The following TBL1XR1 variants were observed in gnomAD, a reference collection of about 807,000 sequenced individuals.
TBL1XR1 encodes F-box-like/WD repeat-containing protein TBL1XR1.
A neutral mutation model predicts 66.9 loss-of-function variants in TBL1XR1; 5 were observed. The ratio of observed to expected loss-of-function variants is 0.07; its 90% confidence interval spans 0.04 to 0.16. TBL1XR1 has a LOEUF of 0.16. Among genes scored for constraint, TBL1XR1 ranks in the 10% least tolerant of loss-of-function variants. The pLI, the probability that TBL1XR1 is intolerant of heterozygous loss-of-function variation, is 1.00. For missense variants in TBL1XR1, 238 were observed against 623.2 expected, an observed-to-expected ratio of 0.38 and a Z score of 6.58; for synonymous variants, 210 against 206.0, an observed-to-expected ratio of 1.02 and a Z score of -0.17.
intron 14 of TBL1XR1, chr3:177,032,740 G>C (rs1395909671): frequency 8.7e-6 from 3 of 343,538 alleles, no homozygotes; most frequent in Admixed American, 4.6e-5. Flanking sequence ...AAAACCGTTG[G>C]AAAAAAACAA....
chr3:177,134,945 C>CTCTGTGTGTGTG (rs1553852509), intron 1 of TBL1XR1, among the ~76,000 whole-genome samples: 1 of 129,150 alleles, frequency 7.7e-6, no homozygotes, highest in African/African-American at 3.0e-5. Flanking sequence ...CACTGCAAGG[C>CTCTGTGTGTGTG]TGTGTGTGTG....
intron 1 of TBL1XR1, among the ~76,000 whole-genome samples, chr3:177,110,258 G>A (rs765733037): frequency 6.6e-6 from 1 of 152,110 alleles, no homozygotes; most frequent in Admixed American, 6.5e-5. Flanking sequence ...TAACATCAAA[G>A]AACTTCAAAG....
At chr3:177,124,502 T>G (rs1159032063) in intron 1 of TBL1XR1, among the ~76,000 whole-genome samples, 1 of 152,146 alleles carries the variant, frequency 6.6e-6, no homozygotes, top group Non-Finnish European at 1.5e-5. Flanking sequence ...CAAATATGTC[T>G]AACTATTAAC....
At chr3:177,181,479 T>TAAA (rs11420978) in intron 1 of TBL1XR1, among the ~76,000 whole-genome samples, 19 of 137,818 alleles carry the variant, frequency 1.4e-4, no homozygotes, top group African/African-American at 5.1e-4. Flanking sequence ...GACTCCGTCT[T>TAAA]AAAAAAAAAA....
chr3:177,082,766 A>ATATATATATATATATATATATG (rs1297835226), intron 2 of TBL1XR1, among the ~76,000 whole-genome samples: 1 of 135,630 alleles, frequency 7.4e-6, no homozygotes, highest in Non-Finnish European at 1.6e-5. Flanking sequence ...ATATATATAT[A>ATATATATATATATATATATATG]TGAATATGAG....
chr3:177,031,491 C>T (rs991506358), intron 14 of TBL1XR1, among the ~76,000 whole-genome samples: 5 of 151,520 alleles, frequency 3.3e-5, no homozygotes, highest in Non-Finnish European at 7.4e-5. Flanking sequence ...GTCACCACAC[C>T]TGGCTAATTT....
chr3:177,108,670 G>A (rs1308088446), intron 1 of TBL1XR1, among the ~76,000 whole-genome samples: 4 of 152,048 alleles, frequency 2.6e-5, no homozygotes, highest in Non-Finnish European at 5.9e-5. Flanking sequence ...AAATAGTATA[G>A]TATTAAAAGA....
chr3:177,037,260 A>G (rs897568148), intron 12 of TBL1XR1: 4 of 149,808 alleles, frequency 2.7e-5, no homozygotes, highest in African/African-American at 7.3e-5. Flanking sequence ...TACATATGCA[A>G]ATAAACTTTA....
intron 1 of TBL1XR1, among the ~76,000 whole-genome samples, chr3:177,181,607 G>GA (rs11369709): frequency 0.57 from 86,649 of 151,824 alleles, 25,099 homozygotes; most frequent in East Asian, 0.75. Context: ...GAGGAGGTCG[G>GA]AAGAACCAAT....
At chr3:177,065,902 A>G (rs939842983) in intron 2 of TBL1XR1, among the ~76,000 whole-genome samples, 1 of 152,246 alleles carries the variant, frequency 6.6e-6, no homozygotes, top group Non-Finnish European at 1.5e-5. Context: ...TTTGAATTTC[A>G]TAATATCATT....
intron 1 of TBL1XR1, among the ~76,000 whole-genome samples, chr3:177,099,965 G>A (rs1723986479): frequency 6.6e-6 from 1 of 152,210 alleles, no homozygotes; most frequent in Non-Finnish European, 1.5e-5. Context: ...CAAGAAGTCA[G>A]GCACAGAGAC....
chr3:177,137,269 A>T (rs1180198844), intron 1 of TBL1XR1, among the ~76,000 whole-genome samples: 6 of 151,770 alleles, frequency 4.0e-5, no homozygotes, highest in Non-Finnish European at 8.8e-5. Flanking sequence ...AAGACGGGGG[A>T]TTGCTTGAGC....
intron 1 of TBL1XR1, among the ~76,000 whole-genome samples, chr3:177,188,162 C>T (rs1419387228): frequency 1.3e-5 from 2 of 151,850 alleles, no homozygotes; most frequent in Non-Finnish European, 2.9e-5. Flanking sequence ...GAACTCCTGA[C>T]CTCGTGATCC....
intron 3 of TBL1XR1, among the ~76,000 whole-genome samples, chr3:177,057,490 A>G (rs1256089285): frequency 1.3e-5 from 2 of 152,250 alleles, no homozygotes; most frequent in Non-Finnish European, 2.9e-5. Flanking sequence ...GAATGCAATT[A>G]TACTATAATG....
Position 177,146,997 on chromosome 3 carries a change from AT to A in TBL1XR1, c.-121-48457del, listed in dbSNP as rs1308706616. Among the ~76,000 whole-genome samples the A allele has an allele frequency of 2.6e-5, 4 of 151,788 alleles. No homozygotes were observed. The East Asian group carries it at 7.8e-4, about 29-fold the overall frequency. On this transcript the variant is annotated intron_variant, in intron 1 of 15. Coordinates refer to ENST00000457928, the MANE Select transcript of TBL1XR1 (RefSeq NM_024665.7). ...TAAAATGATTCAGATTCAGATCATG[AT>A]TTTTTTAGATTAATACTTTTTACTG...
chr3:177,154,787 G>A (rs1431187192), intron 1 of TBL1XR1, among the ~76,000 whole-genome samples: 1 of 152,030 alleles, frequency 6.6e-6, no homozygotes, highest in Non-Finnish European at 1.5e-5. Flanking sequence ...TAACACAGAA[G>A]ATCTAAACAC....
At chr3:177,162,154 G>A (rs1037763340) in intron 1 of TBL1XR1, among the ~76,000 whole-genome samples, 1 of 152,180 alleles carries the variant, frequency 6.6e-6, no homozygotes, top group South Asian at 2.1e-4. Flanking sequence ...GTTTTATTCA[G>A]AATAGCGCAA....
In TBL1XR1 at chr3:177,098,553, GAAAGT is replaced by G; in HGVS notation, c.-121-17_-121-13del. ...TGCTGTTGTTGATGCTGAGGAAAAGGAAAGTAAAGTATTCAATGTGCCCTAAAACA... is the reference window on the plus strand; with the variant it reads ...TGCTGTTGTTGATGCTGAGGAAAAGGAAAGTATTCAATGTGCCCTAAAACA... On this transcript the variant is annotated splice_polypyrimidine_tract_variant and intron_variant, in intron 1 of 15. Coordinates refer to ENST00000457928, the MANE Select transcript of TBL1XR1 (RefSeq NM_024665.7). 2.0e-6 allele frequency: 2 copies of G among 985,554 alleles called. No homozygotes were observed. The highest frequency in any genetic ancestry group is 1.1e-4 in the East Asian group (1 of 8,814). The allele number at this position is 985,554 out of a possible 1,614,324, so 61.1% of individuals were successfully genotyped here.
chr3:177,041,356 C>T (rs1171282642), intron 10 of TBL1XR1, among the ~76,000 whole-genome samples: 1 of 152,172 alleles, frequency 6.6e-6, no homozygotes, highest in African/African-American at 2.4e-5. Context: ...GTAAGAAAAA[C>T]TTTGAGGTGC....
Sources: gnomAD v4.1 joint callset for allele counts (sites outside exome capture counted in the v4.1 genomes callset) on GRCh38, gnomAD v4.1.1 for gene constraint, MANE v1.5 for transcripts, NCBI Gene and HGNC (gene_info 2026-07-23, HGNC 2026-07-21) for gene names.